The following BBS9 variants were observed in gnomAD, a reference collection of about 807,000 sequenced individuals.
BBS9 encodes the protein protein PTHB1.
Under a neutral mutation model 117.7 loss-of-function variants are expected in BBS9, and 89 were observed. That is an observed-to-expected ratio of 0.76 (90% CI 0.64 to 0.90). BBS9 has a LOEUF of 0.90. BBS9 is among the 40% of genes least tolerant of loss of function. The probability of loss-of-function intolerance (pLI) is 0.00; values close to 1 mark genes in which losing one functional copy is unlikely to be tolerated. For missense variants in BBS9, 982 were observed against 1,042.2 expected (o/e 0.94, Z 0.80); for synonymous variants, 379 against 370.9 (o/e 1.02, Z -0.25).
At chr7:33,350,796 T>C (rs978667151) in intron 13 of BBS9, among the ~76,000 whole-genome samples, 1 of 152,204 alleles carries the variant, frequency 6.6e-6, no homozygotes, top group African/African-American at 2.4e-5. Context: ...TGGACTGGAG[T>C]GCAGTGGAGC....
intron 17 of BBS9, among the ~76,000 whole-genome samples, chr7:33,370,447 G>A (rs960558604): frequency 3.9e-5 from 6 of 151,976 alleles, no homozygotes; most frequent in African/African-American, 9.7e-5. Context: ...TCCAACCTGC[G>A]CAACAGAGTG....
At chr7:33,558,710 GAGC>G (rs1311215784) in intron 21 of BBS9, among the ~76,000 whole-genome samples, 1 of 152,044 alleles carries the variant, frequency 6.6e-6, no homozygotes, top group Non-Finnish European at 1.5e-5. Flanking sequence ...GAATAATTGT[GAGC>G]AGAAGCCCGC....
intron 8 of BBS9, 35 bp from the exon 9 acceptor site, chr7:33,273,792 T>A: frequency 6.3e-7 from 1 of 1,592,262 alleles, no homozygotes; most frequent in Non-Finnish European, 8.6e-7. Context: ...ATGACTGTTT[T>A]CTTAGTGTCT....
At chr7:33,396,448 C>T (rs957819522) in intron 19 of BBS9, among the ~76,000 whole-genome samples, 6 of 151,984 alleles carry the variant, frequency 3.9e-5, no homozygotes, top group African/African-American at 9.7e-5. Flanking sequence ...ATAATAGATA[C>T]ATTTGCAAAA....
intron 17 of BBS9, among the ~76,000 whole-genome samples, chr7:33,374,201 T>C (rs1823383185): frequency 6.6e-6 from 1 of 151,870 alleles, no homozygotes; most frequent in South Asian, 2.1e-4. Flanking sequence ...GAGGAAGGAG[T>C]AGGAGACTAT....
intron 19 of BBS9, among the ~76,000 whole-genome samples, chr7:33,456,896 A>G (rs969255675): frequency 1.3e-5 from 2 of 152,224 alleles, no homozygotes; most frequent in Non-Finnish European, 2.9e-5. Flanking sequence ...TCTGATCATT[A>G]GTTGGTTTTC....
intron 21 of BBS9, among the ~76,000 whole-genome samples, chr7:33,570,837 T>G (rs1309224849): frequency 6.6e-6 from 1 of 152,150 alleles, no homozygotes; most frequent in Non-Finnish European, 1.5e-5. Flanking sequence ...CAACCCCAAG[T>G]TGACAAACAT....
chr7:33,204,276 G>A (rs928681697), intron 5 of BBS9, among the ~76,000 whole-genome samples: 5 of 145,986 alleles, frequency 3.4e-5, no homozygotes, highest in African/African-American at 5.1e-5. Context: ...TGGTGGTGGC[G>A]AGTACCTGTA....
In BBS9 at chr7:33,314,266, T is replaced by A. The variant is rs955530579; in HGVS notation, c.1017-22175T>A. 29 of 428,356 alleles carry A rather than the reference T, an allele frequency of 6.8e-5. No homozygotes were observed. The highest frequency in any genetic ancestry group is 1.2e-4 in the Non-Finnish European group (27 of 219,714). 26.5% of individuals were successfully genotyped at this position (428,356 alleles called of 1,614,324 possible). ...TTTTTTTTTTTTCTTACAGATTTTC[T>A]TTATGGAAGCATTTGTTGCCTCGAT... On this transcript the variant is annotated intron_variant, in intron 9 of 22. Transcript: ENST00000242067.
At chr7:33,215,163 A>G (rs1041790542) in intron 5 of BBS9, among the ~76,000 whole-genome samples, 4 of 152,228 alleles carry the variant, frequency 2.6e-5, no homozygotes, top group African/African-American at 7.2e-5. Flanking sequence ...ACTGCACTCC[A>G]GCCTGGGCAA....
At chr7:33,242,650 T>C (rs1794727947) in intron 5 of BBS9, among the ~76,000 whole-genome samples, 1 of 152,172 alleles carries the variant, frequency 6.6e-6, no homozygotes, top group African/African-American at 2.4e-5. Context: ...CCTCCTCTAC[T>C]TGTCCCCTAC....
intron 9 of BBS9, among the ~76,000 whole-genome samples, chr7:33,274,397 A>G (rs75443877): frequency 0.074 from 11,343 of 152,272 alleles, 896 homozygotes; most frequent in African/African-American, 0.19. Context: ...GTTAATGATC[A>G]TGTGTTTACA....
At chr7:33,517,243 A>G (rs1439874624) in intron 20 of BBS9, among the ~76,000 whole-genome samples, 1 of 128,090 alleles carries the variant, frequency 7.8e-6, no homozygotes, top group Non-Finnish European at 1.5e-5. Flanking sequence ...AGGACTTTTC[A>G]TATGTTATTT....
chr7:33,362,879 A>G (rs912046886), intron 16 of BBS9, among the ~76,000 whole-genome samples: 25 of 152,008 alleles, frequency 1.6e-4, no homozygotes, highest in African/African-American at 6.0e-4. Context: ...ACAATATTGA[A>G]CATGGTATAA....
chr7:33,283,344 C>T (rs966220768), intron 9 of BBS9, among the ~76,000 whole-genome samples: 1 of 152,078 alleles, frequency 6.6e-6, no homozygotes, highest in South Asian at 2.1e-4. Flanking sequence ...TCTGGATGCT[C>T]GTCTGACTTA....
At chr7:33,511,569 T>G (rs1846971363) in intron 20 of BBS9, among the ~76,000 whole-genome samples, 1 of 152,210 alleles carries the variant, frequency 6.6e-6, no homozygotes, top group African/African-American at 2.4e-5. Flanking sequence ...AGCTTTACTG[T>G]GTTCTTAAGG....
intron 5 of BBS9, among the ~76,000 whole-genome samples, chr7:33,237,044 G>T (rs1367661625): frequency 6.6e-6 from 1 of 151,842 alleles, no homozygotes; most frequent in African/African-American, 2.4e-5. Context: ...GAACTTATTT[G>T]TAATTCTTTA....
intron 2 of BBS9, among the ~76,000 whole-genome samples, chr7:33,150,177 C>A (rs1489683749): frequency 6.6e-6 from 1 of 152,142 alleles, no homozygotes; most frequent in East Asian, 1.9e-4. Context: ...AGTGATTAAG[C>A]CCCACTATCT....
Position 33,557,174 on chromosome 7 carries a change from A to C in BBS9, c.2521+22998A>C, listed in dbSNP as rs548054585. Among the ~76,000 whole-genome samples the C allele has an allele frequency of 5.9e-5, 9 of 152,320 alleles. No homozygotes were observed. The East Asian group carries it at 1.5e-3, about 26-fold the overall frequency. ...ATTAGTTCTCCAAAAAAATACCATG[A>C]TAACCCTGTCTAGAATACTTGTAAA... On this transcript the variant is annotated intron_variant, in intron 21 of 22. Transcript: ENST00000242067.
Sources: allele counts gnomAD v4.1 joint callset (sites outside exome capture counted in the v4.1 genomes callset), GRCh38; gene constraint gnomAD v4.1.1; transcripts MANE v1.5; gene names NCBI Gene and HGNC (gene_info 2026-07-23, HGNC 2026-07-21).